Variants in PRDM16 observed in about 807,000 individuals in gnomAD.
The protein encoded by PRDM16 is PR/SET domain 16.
A neutral mutation model predicts 110.6 loss-of-function variants in PRDM16; 23 were observed. The ratio of observed to expected loss-of-function variants is 0.21; its 90% CI spans 0.15 to 0.29. The LOEUF (loss-of-function observed/expected upper bound fraction) is 0.29, where lower values mean the gene tolerates loss of function less well. Ranked by LOEUF, PRDM16 falls within the 10% of genes least tolerant of loss-of-function variation. The pLI is 1.00. For synonymous variants in PRDM16, 799 were observed against 781.8 expected (o/e 1.02, Z -0.37); for missense variants, 1,615 against 1,794.3 (o/e 0.90, Z 1.81).
rs759550479 is a variant in PRDM16 at position 3,412,174 on chromosome 1, G to A, written c.1977G>A (p.Pro659=). The part of the protein sequence containing the change: ...FGGGLAPPGA[P]NSVAEVPVFY... ...GCGGCTTGGCGCCCCCGGGGGCCCC[G>A]AACAGCGTGGCCGAGGTGCCTGTCT... The change falls in exon 9 of 17, where the codon CCG becomes CCA. Residue 659 remains proline, a synonymous_variant. Transcript: ENST00000270722. 1.5e-5 allele frequency: 23 copies of A among 1,584,624 alleles called. No individual in the cohort carries two copies. The highest frequency in any genetic ancestry group is 1.7e-4 in the Middle Eastern group (1 of 5,948).
At chr1:3,187,545 C>G (rs554056234) in intron 2 of PRDM16, among the ~76,000 whole-genome samples, 1 of 152,182 alleles carries the variant, frequency 6.6e-6, no homozygotes, top group Admixed American at 6.5e-5. Context: ...TCAGACAGGC[C>G]GTGGGGAGGT....
intron 3 of PRDM16, among the ~76,000 whole-genome samples, chr1:3,322,595 C>G (rs1024287350): frequency 7.2e-5 from 11 of 152,160 alleles, no homozygotes; most frequent in Non-Finnish European, 1.5e-4. Flanking sequence ...CGTCCGGTCT[C>G]CTCCCAGACC....
chr1:3,217,193 G>C (rs2100858563), intron 2 of PRDM16, among the ~76,000 whole-genome samples: 1 of 152,392 alleles, frequency 6.6e-6, no homozygotes, highest in East Asian at 1.9e-4. Context: ...CCGTGTGTGA[G>C]TTGATCGGCA....
At chr1:3,197,445 A>C (rs911415424) in intron 2 of PRDM16, among the ~76,000 whole-genome samples, 15 of 152,176 alleles carry the variant, frequency 9.9e-5, no homozygotes, top group Non-Finnish European at 2.2e-4. Context: ...GTGCCCCATG[A>C]GCCAGGCAGG....
chr1:3,199,708 G>A (rs989584167), intron 2 of PRDM16, among the ~76,000 whole-genome samples: 9 of 152,210 alleles, frequency 5.9e-5, no homozygotes, highest in East Asian at 3.9e-4. Flanking sequence ...GCTGAGAAGC[G>A]CAAGTCTTGC....
intron 1 of PRDM16, among the ~76,000 whole-genome samples, chr1:3,088,289 AAAT>A (rs969472416): frequency 6.6e-6 from 1 of 151,800 alleles, no homozygotes; most frequent in Non-Finnish European, 1.5e-5. Flanking sequence ...AAAGCAATAA[AAAT>A]AATAATAATA....
At chr1:3,181,900 G>GCA (rs78876779) in intron 1 of PRDM16, among the ~76,000 whole-genome samples, 4,439 of 89,274 alleles carry the variant, frequency 0.05, 164 homozygotes, top group Admixed American at 0.075. Context: ...TCTTACACAC[G>GCA]GTCTTACACA....
chr1:3,093,210 C>T (rs1642316642), intron 1 of PRDM16, among the ~76,000 whole-genome samples: 1 of 152,154 alleles, frequency 6.6e-6, no homozygotes, highest in Non-Finnish European at 1.5e-5. Context: ...TCAGGAGAGC[C>T]CAGGCTACCC....
intron 1 of PRDM16, among the ~76,000 whole-genome samples, chr1:3,163,536 G>T (rs1451734467): frequency 2.0e-5 from 3 of 152,192 alleles, no homozygotes; most frequent in Non-Finnish European, 2.9e-5. Flanking sequence ...GCTTCCTGGG[G>T]AGGTCCTAAC....
intron 1 of PRDM16, among the ~76,000 whole-genome samples, chr1:3,137,260 G>A (rs546460826): frequency 3.3e-5 from 5 of 152,332 alleles, no homozygotes; most frequent in African/African-American, 9.6e-5. Flanking sequence ...TTCTCCCCAC[G>A]CTGACCTGGC....
At chr1:3,332,293 A>C (rs970137330) in intron 3 of PRDM16, among the ~76,000 whole-genome samples, 2 of 152,176 alleles carry the variant, frequency 1.3e-5, no homozygotes, top group Non-Finnish European at 2.9e-5. Flanking sequence ...AATTACTCTT[A>C]ATTGTTTCTC....
At chr1:3,153,807 T>C (rs983919189) in intron 1 of PRDM16, among the ~76,000 whole-genome samples, 6 of 152,276 alleles carry the variant, frequency 3.9e-5, no homozygotes, top group Non-Finnish European at 8.8e-5. Context: ...CAAAGTAATA[T>C]AGAAAACGCA....
rs531874920 is a variant in PRDM16, at chr1:3,244,394, C to A, written c.438+257C>A. Among the ~76,000 whole-genome samples, 1 of 152,028 alleles carries A rather than the reference C, an allele frequency of 6.6e-6. No homozygotes were observed. The highest frequency in any genetic ancestry group is 2.4e-5 in the African/African-American group (1 of 41,400). On this transcript the variant is annotated intron_variant, in intron 3 of 16. Transcript: ENST00000270722. This position sits in a 1 kb window ranked among gnomAD's most constrained non-coding sequence, Gnocchi z 4.1. ...GGCCATCCGCCACTCTCCTAACTCCCGAGAGTGGAGGAGAGCCCTGTACCT... is the reference window on the plus strand; with the variant it reads ...GGCCATCCGCCACTCTCCTAACTCCAGAGAGTGGAGGAGAGCCCTGTACCT...
intron 1 of PRDM16, among the ~76,000 whole-genome samples, chr1:3,182,694 C>T (rs1330782743): frequency 2.6e-5 from 4 of 152,200 alleles, no homozygotes; most frequent in African/African-American, 9.6e-5. Flanking sequence ...CCCGGGGCAG[C>T]AGCAGGGTTT....
chr1:3,094,913 A>T (rs1487319905), intron 1 of PRDM16, among the ~76,000 whole-genome samples: 1 of 152,120 alleles, frequency 6.6e-6, no homozygotes, highest in African/African-American at 2.4e-5. Flanking sequence ...TCCGACGTGG[A>T]TGGAGCCACA....
chr1:3,121,666 A>C (rs1643096465), intron 1 of PRDM16, among the ~76,000 whole-genome samples: 2 of 152,218 alleles, frequency 1.3e-5, no homozygotes, highest in African/African-American at 4.8e-5. Context: ...GAAGGGGAGG[A>C]CAGGGAACCA....
intron 1 of PRDM16, among the ~76,000 whole-genome samples, chr1:3,100,542 C>CT (rs1187916531): frequency 6.6e-6 from 1 of 152,232 alleles, no homozygotes; most frequent in Non-Finnish European, 1.5e-5. Flanking sequence ...CTGCTGGGGC[C>CT]TCCTGAGGCA....
rs1469613476 is a variant in PRDM16 at position 3,069,566 on chromosome 1, G to T, written c.37+270G>T. On this transcript the variant is annotated intron_variant, in intron 1 of 16. Coordinates refer to ENST00000270722, the MANE Select transcript of PRDM16 (RefSeq NM_022114.4). The surrounding 1 kb of genome is among the most constrained non-coding windows in gnomAD (Gnocchi z 6.1). ...CCCTCCCCCCCCACCAGTGTCAGGCGCTCGGGCCCGGGAACCCGAGGCGCG... is the reference window on the plus strand; with the variant it reads ...CCCTCCCCCCCCACCAGTGTCAGGCTCTCGGGCCCGGGAACCCGAGGCGCG... 6.7e-6 allele frequency among the ~76,000 whole-genome samples: 1 copy of T among 149,414 alleles called. No individual in the cohort carries two copies. Among genetic ancestry groups the T allele is most frequent in the South Asian group, 2.1e-4 (1 of 4,784 alleles).
At chr1:3,181,671 TACACGCGCAGTCTTAC>T (rs1557509955) in intron 1 of PRDM16, among the ~76,000 whole-genome samples, 2 of 124,154 alleles carry the variant, frequency 1.6e-5, no homozygotes, top group East Asian at 6.2e-4. Context: ...TACACAGTCT[TACACGCGCAGTCTTAC>T]ACACGGTCTT....
Sources: allele counts gnomAD v4.1 joint callset (sites outside exome capture counted in the v4.1 genomes callset), GRCh38; gene constraint gnomAD v4.1.1; non-coding constraint Gnocchi (gnomAD v3.1); transcripts MANE v1.5; gene names NCBI Gene and HGNC (gene_info 2026-07-23, HGNC 2026-07-21).